The following EMSY variants were observed in gnomAD, a reference collection of about 807,000 sequenced individuals.
EMSY encodes BRCA2-interacting transcriptional repressor EMSY.
A neutral mutation model predicts 134.6 loss-of-function variants in EMSY; 26 were observed. The observed-to-expected ratio is 0.19, with a 90% CI of 0.14 to 0.27. The LOEUF (loss-of-function observed/expected upper bound fraction) is 0.27, where lower values mean the gene tolerates loss of function less well. Ranked by LOEUF, EMSY falls within the 10% of genes least tolerant of loss-of-function variation. The probability of loss-of-function intolerance (pLI) is 1.00; values close to 1 mark genes in which losing one functional copy is unlikely to be tolerated. For missense variants in EMSY, 1,305 were observed against 1,611.4 expected (o/e 0.81, Z 3.26); for synonymous variants, 579 against 577.8 (o/e 1.00, Z -0.03).
intron 12 of EMSY, among the ~76,000 whole-genome samples, chr11:76,524,969 A>G (rs1438863797): frequency 6.6e-6 from 1 of 152,174 alleles, no homozygotes; most frequent in African/African-American, 2.4e-5. Flanking sequence ...GTGAGCTGAG[A>G]TCTTGCCACT....
chr11:76,493,601 G>A (rs1268538082), intron 8 of EMSY, among the ~76,000 whole-genome samples: 1 of 151,650 alleles, frequency 6.6e-6, no homozygotes, highest in African/African-American at 2.4e-5. Context: ...TCCAACAGAC[G>A]TGGGGAAGAT....
chr11:76,524,925 G>T (rs1950791648), intron 12 of EMSY, among the ~76,000 whole-genome samples: 1 of 152,200 alleles, frequency 6.6e-6, no homozygotes, highest in Non-Finnish European at 1.5e-5. Flanking sequence ...GGCTGAGGTG[G>T]AGGATCACTT....
chr11:76,543,974 T>A (rs1364779282), intron 18 of EMSY, among the ~76,000 whole-genome samples: 2 of 152,198 alleles, frequency 1.3e-5, no homozygotes, highest in Non-Finnish European at 2.9e-5. Context: ...CTCTTCTTTT[T>A]CCGTGTTTGG....
At position 76,446,896 on chromosome 11, in the gene EMSY, G is replaced by A. The variant is rs1414421723; in HGVS notation, c.-39-4G>A. On this transcript the variant is annotated splice_polypyrimidine_tract_variant and splice_region_variant and intron_variant, in intron 1 of 20. Coordinates refer to ENST00000334736, the Ensembl canonical transcript of EMSY. ...AATTTGACTTTTTTTTTTTGTTCTG[G>A]TAGGGAGGACAAGCTCTTTGGGGCT... The A allele has an allele frequency of 6.9e-6, 11 of 1,583,818 alleles. No homozygotes were observed. Among genetic ancestry groups the A allele is most frequent in the African/African-American group, 2.7e-5 (2 of 72,948 alleles).
chr11:76,482,447 C>A (rs1225874323), intron 8 of EMSY, among the ~76,000 whole-genome samples: 1 of 152,168 alleles, frequency 6.6e-6, no homozygotes, highest in Admixed American at 6.5e-5. Context: ...TATTAACAAA[C>A]CTCCCCGAGC....
rs916821064 is a variant in EMSY, at chr11:76,463,759, A to C, written c.572-62A>C. 32 of 1,544,326 alleles carry C rather than the reference A, an allele frequency of 2.1e-5. 1 individual carries two copies. In the South Asian group the frequency reaches 3.8e-4, roughly 18 times the overall value. On this transcript the variant is annotated intron_variant, in intron 6 of 20. Coordinates refer to ENST00000334736, the Ensembl canonical transcript of EMSY. ...CAAGGATGATATAAAGATTTTAAAA[A>C]TAAAGTGTATAATGCAAGATTAGTT...
chr11:76,453,296 G>A lies in EMSY; in HGVS notation c.171-18G>A. ...TGCCTGCTTGGCAGAGTTCTATAAT[G>A]GCTATTTTTCTTCATAGCATCTCAA... On this transcript the variant is annotated intron_variant, in intron 3 of 20. Coordinates refer to ENST00000334736, the Ensembl canonical transcript of EMSY. The A allele has an allele frequency of 6.2e-7, 1 of 1,609,352 alleles. No individual in the cohort carries two copies. Among genetic ancestry groups the A allele is most frequent in the Non-Finnish European group, 8.5e-7 (1 of 1,177,126 alleles).
At chr11:76,484,738 G>A (rs1013683543) in intron 8 of EMSY, among the ~76,000 whole-genome samples, 1 of 152,034 alleles carries the variant, frequency 6.6e-6, no homozygotes, top group Non-Finnish European at 1.5e-5. Context: ...TTCGAGACCA[G>A]CCTGACCAAC....
intron 19 of EMSY, 129 bp from the exon 21 acceptor site, chr11:76,545,668 C>A: frequency 8.5e-7 from 1 of 1,173,574 alleles, no homozygotes; most frequent in Non-Finnish European, 1.2e-6. Context: ...CTTTTTAAAA[C>A]AGCAAGCTTC....
Position 76,541,758 on chromosome 11 carries a change from C to T in EMSY, c.2558-458C>T, listed in dbSNP as rs188142246. Among the ~76,000 whole-genome samples the T allele has an allele frequency of 2.6e-4, 40 of 152,258 alleles. No homozygotes were observed. The East Asian group carries it at 7.1e-3, about 27-fold the overall frequency. On this transcript the variant is annotated intron_variant, in intron 17 of 20. Coordinates refer to ENST00000334736, the Ensembl canonical transcript of EMSY. Reference sequence around the variant, plus strand: ...TGCTACTAATGTTTTTATTGCATGTCGAACTGAGACCAAGAGATTAAAGAA... The same window carrying T: ...TGCTACTAATGTTTTTATTGCATGTTGAACTGAGACCAAGAGATTAAAGAA...
intron 4 of EMSY, among the ~76,000 whole-genome samples, chr11:76,455,028 T>C (rs1042635211): frequency 1.3e-5 from 2 of 152,190 alleles, no homozygotes; most frequent in African/African-American, 4.8e-5. Flanking sequence ...TTAGTCATTT[T>C]ACTACTTGTT....
exon 21 of EMSY, chr11:76,550,067 C>A (rs1355391878): frequency 6.2e-7 from 1 of 1,613,862 alleles, no homozygotes; most frequent in African/African-American, 1.3e-5. Context: ...GAGGAGACAG[C>A]AATGGAGCAG....
chr11:76,504,390 C>T (rs1949994648), intron 9 of EMSY, among the ~76,000 whole-genome samples: 1 of 151,690 alleles, frequency 6.6e-6, no homozygotes, highest in Non-Finnish European at 1.5e-5. Flanking sequence ...GCCATTTCTT[C>T]AGGGAAAATA....
intron 20 of EMSY, among the ~76,000 whole-genome samples, chr11:76,547,889 T>C (rs1951710421): frequency 6.6e-6 from 1 of 152,190 alleles, no homozygotes; most frequent in South Asian, 2.1e-4. Context: ...GCATGTCCCA[T>C]GTGCTAGGTG....
intron 18 of EMSY, among the ~76,000 whole-genome samples, chr11:76,543,810 C>T (rs1052683509): frequency 6.6e-5 from 10 of 151,874 alleles, no homozygotes; most frequent in Admixed American, 2.0e-4. Flanking sequence ...AGACAATCTC[C>T]CTGACCTTCC....
At chr11:76,551,551 G>A (rs564864781), downstream of EMSY, 1 of 152,770 alleles carries the variant, frequency 6.5e-6, no homozygotes, top group African/African-American at 2.4e-5. Context: ...TGACACTGAA[G>A]ATTTAAACAC....
chr11:76,463,242 G>A (rs1031034630), intron 6 of EMSY, among the ~76,000 whole-genome samples: 1 of 152,096 alleles, frequency 6.6e-6, no homozygotes, highest in African/African-American at 2.4e-5. Context: ...AGAATCGCTT[G>A]AACCTGGGAG....
exon 21 of EMSY, chr11:76,550,157 C>A (rs1223327780): frequency 1.3e-6 from 2 of 1,575,936 alleles, no homozygotes; most frequent in Non-Finnish European, 1.7e-6. Flanking sequence ...TGTTTGGACA[C>A]AATAGTGCAC....
At chr11:76,496,727 A>C (rs1027689486) in intron 9 of EMSY, 1 of 491,930 alleles carries the variant, frequency 2.0e-6, no homozygotes, top group African/African-American at 2.0e-5. Flanking sequence ...TAGTATATAA[A>C]AATAGTATTG....
Sources: gnomAD v4.1 joint callset for allele counts (sites outside exome capture counted in the v4.1 genomes callset) on GRCh38, gnomAD v4.1.1 for gene constraint, MANE v1.5 for transcripts, NCBI Gene and HGNC (gene_info 2026-07-23, HGNC 2026-07-21) for gene names.